NXPH2: variants seen among roughly 807,000 people sequenced by gnomAD.
The protein encoded by NXPH2 is neurexophilin 2.
A neutral mutation model predicts 19.8 loss-of-function variants in NXPH2; 5 were observed. The ratio of observed to expected loss-of-function variants is 0.25; its 90% CI spans 0.13 to 0.53. The LOEUF (loss-of-function observed/expected upper bound fraction) is 0.53, where lower values mean the gene tolerates loss of function less well. Among genes scored for constraint, NXPH2 ranks in the 20% least tolerant of loss-of-function variants. The pLI, the probability that NXPH2 is intolerant of heterozygous loss-of-function variation, is 0.96. For synonymous variants in NXPH2, 154 were observed against 127.4 expected (o/e 1.21, Z -1.41); for missense variants, 289 against 322.8 (o/e 0.90, Z 0.80).
At chr2:138,778,494 GAGA>G (rs1682300378) in intron 1 of NXPH2, among the ~76,000 whole-genome samples, 1 of 152,120 alleles carries the variant, frequency 6.6e-6, no homozygotes, top group Admixed American at 6.5e-5. Context: ...TAGTAGCTGG[GAGA>G]AGAACTTTTC....
intron 1 of NXPH2, among the ~76,000 whole-genome samples, chr2:138,702,607 G>A (rs34769397): frequency 0.27 from 37,985 of 139,282 alleles, 6,015 homozygotes; most frequent in Non-Finnish European, 0.37. Flanking sequence ...ACAATAAGCT[G>A]CATAAATTAA....
intron 1 of NXPH2, among the ~76,000 whole-genome samples, chr2:138,772,549 G>A (rs1206148236): frequency 6.6e-6 from 1 of 152,214 alleles, no homozygotes; most frequent in Non-Finnish European, 1.5e-5. Flanking sequence ...TCCCCACCTC[G>A]ACCTCTCAAA....
At chr2:138,700,137 T>C (rs1680897457) in intron 1 of NXPH2, among the ~76,000 whole-genome samples, 1 of 152,146 alleles carries the variant, frequency 6.6e-6, no homozygotes, top group Non-Finnish European at 1.5e-5. Flanking sequence ...CCTGAGCAAG[T>C]GCACCCTGGA....
intron 1 of NXPH2, among the ~76,000 whole-genome samples, chr2:138,710,257 G>A (rs1389585655): frequency 6.6e-6 from 1 of 152,022 alleles, no homozygotes; most frequent in Non-Finnish European, 1.5e-5. Context: ...CCTTTTTACG[G>A]CTAAATAACA....
At chr2:138,732,067 C>T (rs977027252) in intron 1 of NXPH2, among the ~76,000 whole-genome samples, 1 of 152,186 alleles carries the variant, frequency 6.6e-6, no homozygotes, top group African/African-American at 2.4e-5. Flanking sequence ...CAGTGGCAAA[C>T]ATGGCAACGC....
chr2:138,736,714 T>C (rs939830692), intron 1 of NXPH2, among the ~76,000 whole-genome samples: 2 of 152,254 alleles, frequency 1.3e-5, no homozygotes, highest in African/African-American at 4.8e-5. Context: ...TTCTTTTCTA[T>C]CACATTGTCA....
chr2:138,728,724 A>AT (rs1218352063), intron 1 of NXPH2, among the ~76,000 whole-genome samples: 1 of 152,240 alleles, frequency 6.6e-6, no homozygotes, highest in African/African-American at 2.4e-5. Context: ...TTATTCTCTG[A>AT]TAAAAAGTTT....
intron 1 of NXPH2, among the ~76,000 whole-genome samples, chr2:138,730,153 T>A (rs114074572): frequency 2.9e-3 from 444 of 152,204 alleles, no homozygotes; most frequent in African/African-American, 0.01. Context: ...CCTGCCCATA[T>A]GACATATGAC....
At chr2:138,746,398 T>C (rs1681734208) in intron 1 of NXPH2, among the ~76,000 whole-genome samples, 1 of 151,978 alleles carries the variant, frequency 6.6e-6, no homozygotes, top group East Asian at 1.9e-4. Context: ...ACTAAGAACC[T>C]CCCTTGGGGA....
intron 1 of NXPH2, 46 bp from the exon 2 acceptor site, chr2:138,671,711 GA>G (rs1680420149): frequency 6.6e-7 from 1 of 1,504,202 alleles, no homozygotes; most frequent in African/African-American, 1.4e-5. Flanking sequence ...TTAGTGCCGT[GA>G]CTGCGCACTC....
At position 138,712,736 on chromosome 2, in the gene NXPH2, G is replaced by A. The variant is rs575257714; in HGVS notation, c.52-41071C>T. On this transcript the variant is annotated intron_variant, in intron 1 of 1. Coordinates refer to ENST00000272641, the MANE Select transcript of NXPH2 (RefSeq NM_007226.3). ...ACAAAGCATTGGCTATTGTGCCTCT[G>A]ACCACAAAGTCCACTGCACTATAAA... 2.6e-5 allele frequency among the ~76,000 whole-genome samples: 4 copies of A among 152,202 alleles called. No individual in the cohort carries two copies. In the South Asian group the frequency reaches 8.3e-4, roughly 32 times the overall value.
chr2:138,708,421 A>C (rs1042316361), intron 1 of NXPH2, among the ~76,000 whole-genome samples: 1 of 152,214 alleles, frequency 6.6e-6, no homozygotes, highest in Non-Finnish European at 1.5e-5. Flanking sequence ...GATTGCCTAA[A>C]TCTAAAAATA....
chr2:138,689,271 AT>A (rs1283002148), intron 1 of NXPH2, among the ~76,000 whole-genome samples: 1 of 152,182 alleles, frequency 6.6e-6, no homozygotes, highest in African/African-American at 2.4e-5. Flanking sequence ...ACCATTCCTG[AT>A]GGGGTCCTAC....
intron 1 of NXPH2, among the ~76,000 whole-genome samples, chr2:138,689,760 G>A (rs1680718302): frequency 6.6e-6 from 1 of 152,148 alleles, no homozygotes; most frequent in South Asian, 2.1e-4. Flanking sequence ...TGGGGAGGGA[G>A]GAGCAACAAG....
At position 138,724,621 on chromosome 2, in the gene NXPH2, T is replaced by C. The variant is rs76630997; in HGVS notation, c.52-52956A>G. Among the ~76,000 whole-genome samples, 888 of 152,330 alleles carry C rather than the reference T, an allele frequency of 5.8e-3. 10 individuals carry two copies. Among genetic ancestry groups the C allele is most frequent in the African/African-American group, 0.02 (843 of 41,566 alleles). ...TTCTTCCTTTAACAAAAGAATAGCCTCACAGGGTGTTGACGACACTGAGTA... is the reference window on the plus strand; with the variant it reads ...TTCTTCCTTTAACAAAAGAATAGCCCCACAGGGTGTTGACGACACTGAGTA... On this transcript the variant is annotated intron_variant, in intron 1 of 1. Transcript: ENST00000272641.
At chr2:138,689,892 C>T (rs751288601) in intron 1 of NXPH2, among the ~76,000 whole-genome samples, 7 of 152,166 alleles carry the variant, frequency 4.6e-5, no homozygotes, top group Non-Finnish European at 8.8e-5. Flanking sequence ...CTGGCAACAT[C>T]TCTTAAAAGG....
At chr2:138,732,108 T>C (rs1201248595) in intron 1 of NXPH2, among the ~76,000 whole-genome samples, 4 of 152,212 alleles carry the variant, frequency 2.6e-5, no homozygotes, top group East Asian at 3.9e-4. Context: ...TGCTCCAAGA[T>C]ACCTTGATTT....
chr2:138,756,356 C>A (rs78134529), intron 1 of NXPH2, among the ~76,000 whole-genome samples: 5 of 151,710 alleles, frequency 3.3e-5, no homozygotes, highest in Non-Finnish European at 5.9e-5. Flanking sequence ...CACACTTACT[C>A]TAAGATTTTT....
At position 138,674,681 on chromosome 2, in the gene NXPH2, GT is replaced by G. The variant is rs560788219; in HGVS notation, c.52-3017del. Among the ~76,000 whole-genome samples the G allele has an allele frequency of 2.4e-4, 37 of 152,288 alleles. No homozygotes were observed. The East Asian group carries it at 6.4e-3, about 26-fold the overall frequency. On this transcript the variant is annotated intron_variant, in intron 1 of 1. Transcript: ENST00000272641. ...CACCCAGACTCTGCTTCTGACTTGA[GT>G]TTCCTGAGAATGGAGACAGCCTGGT...
Sources: gnomAD v4.1 joint callset for allele counts (sites outside exome capture counted in the v4.1 genomes callset) on GRCh38, gnomAD v4.1.1 for gene constraint, MANE v1.5 for transcripts, NCBI Gene and HGNC (gene_info 2026-07-23, HGNC 2026-07-21) for gene names.